The following TAFA1 variants were observed in gnomAD, a reference collection of about 807,000 sequenced individuals.
The protein encoded by TAFA1 is TAFA chemokine like family member 1, also known as chemokine-like protein TAFA-1.
A neutral mutation model predicts 18.5 loss-of-function variants in TAFA1; 4 were observed. That is an observed-to-expected ratio of 0.22 (90% CI 0.11 to 0.49). TAFA1 has a LOEUF of 0.49. Ranked by LOEUF, TAFA1 falls within the 20% of genes least tolerant of loss-of-function variation. TAFA1 has a pLI of 0.98. For missense variants in TAFA1, 147 were observed against 169.0 expected, an observed-to-expected ratio of 0.87 and a Z score of 0.72; for synonymous variants, 56 against 55.2, an observed-to-expected ratio of 1.01 and a Z score of -0.06.
intron 2 of TAFA1, among the ~76,000 whole-genome samples, chr3:68,146,880 C>T (rs559992858): frequency 1.3e-3 from 193 of 152,128 alleles, no homozygotes; most frequent in African/African-American, 4.3e-3. Flanking sequence ...GGTAAGCCTA[C>T]CTTTATACAA....
intron 2 of TAFA1, among the ~76,000 whole-genome samples, chr3:68,214,513 G>A (rs1048142772): frequency 6.6e-6 from 1 of 152,052 alleles, no homozygotes; most frequent in Non-Finnish European, 1.5e-5. Context: ...GGAGCATAGT[G>A]TTCGAGAGCT....
intron 2 of TAFA1, among the ~76,000 whole-genome samples, chr3:68,193,119 C>T (rs2066368355): frequency 6.6e-6 from 1 of 151,642 alleles, no homozygotes; most frequent in African/African-American, 2.4e-5. Context: ...AGTCACAGTA[C>T]CTGCCTCTTC....
chr3:68,090,999 A>G (rs921726553), intron 2 of TAFA1, among the ~76,000 whole-genome samples: 2 of 152,214 alleles, frequency 1.3e-5, no homozygotes, highest in Non-Finnish European at 2.9e-5. Context: ...TTAGGAGAGC[A>G]CTGAAATGTC....
chr3:68,266,895 G>A (rs2067557420), intron 2 of TAFA1, among the ~76,000 whole-genome samples: 1 of 152,146 alleles, frequency 6.6e-6, no homozygotes, highest in Non-Finnish European at 1.5e-5. Context: ...TGCCTGACTA[G>A]TCTTTAATGA....
chr3:68,019,749 T>C (rs905983205), intron 2 of TAFA1, among the ~76,000 whole-genome samples: 1 of 152,022 alleles, frequency 6.6e-6, no homozygotes, highest in Non-Finnish European at 1.5e-5. Context: ...TTCCAATTCT[T>C]GTCATCATCA....
chr3:68,480,792 C>T (rs527928149), intron 3 of TAFA1, among the ~76,000 whole-genome samples: 1 of 152,280 alleles, frequency 6.6e-6, no homozygotes, highest in African/African-American at 2.4e-5. Flanking sequence ...TGTCCCCACC[C>T]AAGTCTCATC....
At chr3:68,356,113 A>C (rs1042342437) in intron 2 of TAFA1, among the ~76,000 whole-genome samples, 1 of 151,896 alleles carries the variant, frequency 6.6e-6, no homozygotes, top group Non-Finnish European at 1.5e-5. Context: ...TTTCCACCAC[A>C]ATAGAAAGTT....
In TAFA1 at chr3:68,292,723, T is replaced by C. The variant is rs535646221; in HGVS notation, c.119-124557T>C. Reference sequence around the variant, plus strand: ...TTTTGTTTTGTTTTGTTTTAACTTTTTGGTAGACAGGGTCTCGCTATGTTG... The same window carrying C: ...TTTTGTTTTGTTTTGTTTTAACTTTCTGGTAGACAGGGTCTCGCTATGTTG... On this transcript the variant is annotated intron_variant, in intron 2 of 4. Coordinates refer to ENST00000478136, the MANE Select transcript of TAFA1 (RefSeq NM_213609.4). 6.6e-4 allele frequency among the ~76,000 whole-genome samples: 101 copies of C among 152,202 alleles called. 3 individuals are homozygous for C. The South Asian group carries it at 0.02, about 30-fold the overall frequency.
intron 2 of TAFA1, among the ~76,000 whole-genome samples, chr3:68,375,984 C>T (rs1244050387): frequency 6.6e-6 from 1 of 152,098 alleles, no homozygotes; most frequent in Non-Finnish European, 1.5e-5. Context: ...TAAGAACCAT[C>T]TCCTAATTAA....
In TAFA1 at chr3:68,361,981, C is replaced by T. The variant is rs181086678; in HGVS notation, c.119-55299C>T. Among the ~76,000 whole-genome samples the T allele has an allele frequency of 1.6e-4, 25 of 152,092 alleles. No individual in the cohort carries two copies. In the East Asian group the frequency reaches 3.9e-3, roughly 24 times the overall value. ...CATCTATTAACCATTCCAACCAGTC[C>T]CCAACTTAGCACTAAATAATTTTGA... On this transcript the variant is annotated intron_variant, in intron 2 of 4. Transcript: ENST00000478136.
intron 2 of TAFA1, among the ~76,000 whole-genome samples, chr3:68,198,275 C>T (rs574523118): frequency 1.3e-4 from 19 of 151,626 alleles, no homozygotes; most frequent in Non-Finnish European, 2.5e-4. Flanking sequence ...TGTTCACCTA[C>T]TGAACAACAT....
intron 2 of TAFA1, among the ~76,000 whole-genome samples, chr3:68,362,980 CTTT>C (rs10681792): frequency 1.3e-5 from 1 of 75,028 alleles, no homozygotes. Context: ...GTCTTGCAGG[CTTT>C]TTTTTTTTTT....
intron 2 of TAFA1, among the ~76,000 whole-genome samples, chr3:68,342,071 G>A (rs916642898): frequency 6.6e-6 from 1 of 152,126 alleles, no homozygotes; most frequent in African/African-American, 2.4e-5. Context: ...GCTATGAATG[G>A]GTGGAAGGCT....
chr3:68,230,662 C>G (rs951848703), intron 2 of TAFA1, among the ~76,000 whole-genome samples: 1 of 152,160 alleles, frequency 6.6e-6, no homozygotes, highest in Non-Finnish European at 1.5e-5. Context: ...GAATCATATA[C>G]TACTTCTACT....
At chr3:68,169,294 G>A (rs866414757) in intron 2 of TAFA1, among the ~76,000 whole-genome samples, 2 of 152,134 alleles carry the variant, frequency 1.3e-5, no homozygotes, top group Admixed American at 1.3e-4. Context: ...ACCCTTTGAT[G>A]ATACCCAAGT....
chr3:68,534,303 C>T (rs903846385), intron 3 of TAFA1, among the ~76,000 whole-genome samples: 5 of 152,158 alleles, frequency 3.3e-5, no homozygotes, highest in African/African-American at 4.8e-5. Flanking sequence ...AATTTCTCTT[C>T]GCCTTCTTCC....
chr3:68,207,007 A>G (rs1469641592), intron 2 of TAFA1, among the ~76,000 whole-genome samples: 1 of 151,960 alleles, frequency 6.6e-6, no homozygotes, highest in African/African-American at 2.4e-5. Context: ...GTGTAATTCA[A>G]CATCAAAAAG....
intron 2 of TAFA1, among the ~76,000 whole-genome samples, chr3:68,115,725 G>T (rs79751518): frequency 0.01 from 1,546 of 152,268 alleles, 29 homozygotes; most frequent in African/African-American, 0.034. Flanking sequence ...ACCAGGAGAT[G>T]CCTACACCTT....
At chr3:68,193,679 A>G (rs1199347761) in intron 2 of TAFA1, among the ~76,000 whole-genome samples, 1 of 151,802 alleles carries the variant, frequency 6.6e-6, no homozygotes, top group Non-Finnish European at 1.5e-5. Context: ...GGAAAATACA[A>G]TTTTCTTAGA....
Sources: allele counts gnomAD v4.1 joint callset (sites outside exome capture counted in the v4.1 genomes callset), GRCh38; gene constraint gnomAD v4.1.1; transcripts MANE v1.5; gene names NCBI Gene and HGNC (gene_info 2026-07-23, HGNC 2026-07-21).